The following DYNC2I2 variants were observed in gnomAD, a reference collection of about 807,000 sequenced individuals.
DYNC2I2 encodes the protein cytoplasmic dynein 2 intermediate chain 2.
In DYNC2I2, 39 loss-of-function variants were observed where a neutral mutation model predicts 52.0. The ratio of observed to expected loss-of-function variants is 0.75; its 90% CI spans 0.58 to 0.98. The LOEUF is 0.98. Ranked by LOEUF, DYNC2I2 falls within the 50% of genes least tolerant of loss-of-function variation. The pLI is 0.00. For missense variants in DYNC2I2, 743 were observed against 728.4 expected (o/e 1.02, Z -0.23); for synonymous variants, 359 against 321.1 (o/e 1.12, Z -1.26).
chr9:128,659,235 G>A (rs1311365434), upstream of DYNC2I2, among the ~76,000 whole-genome samples: 1 of 151,876 alleles, frequency 6.6e-6, no homozygotes, highest in Non-Finnish European at 1.5e-5. Context: ...TAAGGGGCCG[G>A]GCGCGGTGGC....
chr9:128,644,902 G>A (rs1197236344), intron 1 of DYNC2I2, among the ~76,000 whole-genome samples: 1 of 152,188 alleles, frequency 6.6e-6, no homozygotes, highest in East Asian at 1.9e-4. Flanking sequence ...CGTTACTACA[G>A]TAATTGTTTT....
upstream of DYNC2I2, among the ~76,000 whole-genome samples, chr9:128,661,649 C>T (rs1860920543): frequency 1.3e-5 from 2 of 151,912 alleles, no homozygotes; most frequent in African/African-American, 4.8e-5. Context: ...ATTAGCCGGG[C>T]GTGGTGTCAG....
intron 1 of DYNC2I2, 89 bp downstream of exon 1, chr9:128,656,427 TGGGACGCCCGAACCCGCCCGGCAGC>T: frequency 1.1e-6 from 1 of 890,938 alleles, no homozygotes; most frequent in Non-Finnish European, 1.4e-6. Context: ...GCAGCCACGG[TGGGACGCCCGAACCCGCCCGGCAGC>T]CACGGTGGGA....
chr9:128,663,959 T>TTC, the DYNC2I2 span, among the ~76,000 whole-genome samples: 1 of 147,290 alleles, frequency 6.8e-6, no homozygotes, highest in African/African-American at 2.5e-5. Context: ...AGGCTTTTTT[T>TTC]TTTTTTTTTT....
chr9:128,645,451 C>CA (rs143538365), intron 1 of DYNC2I2, among the ~76,000 whole-genome samples: 531 of 123,186 alleles, frequency 4.3e-3, no homozygotes, highest in African/African-American at 8.6e-3. Context: ...AACTCTGTCT[C>CA]AAAAAAAAAA....
chr9:128,658,484 CAG>C (rs1208003185), upstream of DYNC2I2, among the ~76,000 whole-genome samples: 1 of 149,714 alleles, frequency 6.7e-6, no homozygotes, highest in Non-Finnish European at 1.5e-5. Flanking sequence ...TTTTTTGAGA[CAG>C]AGTCTCGCTT....
At chr9:128,666,429 A>G in the DYNC2I2 span, among the ~76,000 whole-genome samples, 1 of 151,394 alleles carries the variant, frequency 6.6e-6, no homozygotes. Flanking sequence ...ACATCATACT[A>G]CAAAATTAAT....
At chr9:128,677,128 G>A in the DYNC2I2 span, among the ~76,000 whole-genome samples, 4 of 151,582 alleles carry the variant, frequency 2.6e-5, no homozygotes, top group Admixed American at 6.6e-5. Flanking sequence ...GTTTACAGGC[G>A]TGAGCCACCA....
At chr9:128,668,142 A>G in the DYNC2I2 span, among the ~76,000 whole-genome samples, 31 of 149,266 alleles carry the variant, frequency 2.1e-4, no homozygotes, top group South Asian at 1.5e-3. Context: ...TGTACTTTTA[A>G]TAGAGACGGG....
intron 1 of DYNC2I2, among the ~76,000 whole-genome samples, chr9:128,641,211 C>G (rs1860509166): frequency 6.6e-6 from 1 of 152,124 alleles, no homozygotes; most frequent in Non-Finnish European, 1.5e-5. Flanking sequence ...GCCAGTGAGA[C>G]CCTGCCCCAA....
At position 128,642,308 on chromosome 9, in the gene DYNC2I2, T is replaced by C. The variant is rs1194593667; in HGVS notation, c.187-1369A>G. 1.3e-3 allele frequency among the ~76,000 whole-genome samples: 177 copies of C among 134,648 alleles called. 3 individuals are homozygous for C. In the East Asian group the frequency reaches 0.027, roughly 21 times the overall value. 88.3% of individuals were successfully genotyped at this position (134,648 alleles called of 152,430 possible). On this transcript the variant is annotated intron_variant, in intron 1 of 8. Coordinates refer to ENST00000372715, the MANE Select transcript of DYNC2I2 (RefSeq NM_052844.4). ...TCTCAAAAAAAAAAAAAAAAAAAAT[T>C]AGCCGGGTGTGGTGGCGCGTGCCTG...
the DYNC2I2 span, among the ~76,000 whole-genome samples, chr9:128,673,504 C>CTTT: frequency 1.4e-5 from 2 of 140,580 alleles, 1 homozygote; most frequent in Non-Finnish European, 3.1e-5. Flanking sequence ...ACCTCACTGG[C>CTTT]TATTTTTTTT....
chr9:128,663,649 C>CTTTTTTTTTTT, the DYNC2I2 span: 1 of 77,128 alleles, frequency 1.3e-5, no homozygotes, highest in African/African-American at 4.2e-5. Flanking sequence ...TAGTTTTTTT[C>CTTTTTTTTTTT]TTTTTTTTTT....
At chr9:128,676,529 T>C in the DYNC2I2 span, among the ~76,000 whole-genome samples, 4 of 83,298 alleles carry the variant, frequency 4.8e-5, no homozygotes, top group Non-Finnish European at 6.9e-5. Context: ...CTTATGTGTT[T>C]GAATTTTTTT....
At chr9:128,640,264 C>T (rs1268532361) in intron 2 of DYNC2I2, among the ~76,000 whole-genome samples, 1 of 152,104 alleles carries the variant, frequency 6.6e-6, no homozygotes, top group East Asian at 1.9e-4. Flanking sequence ...CCCGCCTCGG[C>T]CTCCCAAAGT....
chr9:128,679,800 T>C, the DYNC2I2 span, among the ~76,000 whole-genome samples: 1 of 151,536 alleles, frequency 6.6e-6, no homozygotes, highest in African/African-American at 2.4e-5. Flanking sequence ...TGAGCCATGA[T>C]TGCGCCACTG....
the DYNC2I2 span, among the ~76,000 whole-genome samples, chr9:128,682,173 C>A: frequency 6.6e-6 from 1 of 151,678 alleles, no homozygotes; most frequent in South Asian, 2.1e-4. Flanking sequence ...CTCAGCCTCC[C>A]GAGTAGCTGG....
the DYNC2I2 span, among the ~76,000 whole-genome samples, chr9:128,671,875 G>A: frequency 3.4e-4 from 51 of 151,428 alleles, no homozygotes; most frequent in Admixed American, 9.9e-4. Context: ...GGATGGTCTC[G>A]ATCTCCTGAC....
Position 128,635,148 on chromosome 9 carries a change from T to A in DYNC2I2, c.925A>T (p.Thr309Ser), listed in dbSNP as rs1310374322. Reference sequence around the variant, plus strand: ...TGCATGACCAGGGCGAAGCCCTCTGTGAGCTGCAGCTGGCCTACCCCGATG... The same window carrying A: ...TGCATGACCAGGGCGAAGCCCTCTGAGAGCTGCAGCTGGCCTACCCCGATG... ...QGIGVGQLQL[T>S]EGFALVMQQL... The change falls in exon 6 of 9, where the codon ACA (threonine) becomes TCA (serine). Residue 309 changes from threonine to serine, a missense_variant. Coordinates refer to ENST00000372715, the MANE Select transcript of DYNC2I2 (RefSeq NM_052844.4). 1.2e-6 allele frequency: 2 copies of A among 1,613,344 alleles called. No homozygotes were observed. The highest frequency in any genetic ancestry group is 2.7e-5 in the African/African-American group (2 of 74,942).
Sources: allele counts gnomAD v4.1 joint callset (sites outside exome capture counted in the v4.1 genomes callset), GRCh38; gene constraint gnomAD v4.1.1; transcripts MANE v1.5; gene names NCBI Gene and HGNC (gene_info 2026-07-23, HGNC 2026-07-21).